The following SLX4IP variants were observed in gnomAD, a reference collection of about 807,000 sequenced individuals.
SLX4IP encodes the protein protein SLX4IP.
Under a neutral mutation model 32.9 loss-of-function variants are expected in SLX4IP, and 34 were observed. The observed-to-expected ratio is 1.03, with a 90% CI of 0.79 to 1.38. The LOEUF is 1.38. Ranked by LOEUF, SLX4IP falls within the 40% of genes most tolerant of loss-of-function variation. The pLI is 0.00. For synonymous variants in SLX4IP, 172 were observed against 171.7 expected (o/e 1.00, Z -0.01); for missense variants, 444 against 479.0 (o/e 0.93, Z 0.68).
intron 4 of SLX4IP, among the ~76,000 whole-genome samples, chr20:10,594,214 A>G (rs78118899): frequency 0.044 from 6,641 of 152,272 alleles, 188 homozygotes; most frequent in South Asian, 0.12. Context: ...AATGTTTCAG[A>G]CTGTGTGAGT....
chr20:10,606,044 G>T (rs1040702674), intron 6 of SLX4IP, among the ~76,000 whole-genome samples: 1 of 152,172 alleles, frequency 6.6e-6, no homozygotes, highest in African/African-American at 2.4e-5. Context: ...TCTCATTCAA[G>T]GGGGAGGGTA....
chr20:10,578,864 A>G lies in SLX4IP; in HGVS notation c.238+18044A>G, dbSNP rs572968715. Among the ~76,000 whole-genome samples, 5 of 152,218 alleles carry G rather than the reference A, an allele frequency of 3.3e-5. No individual in the cohort carries two copies. The South Asian group carries it at 6.2e-4, about 19-fold the overall frequency. Reference sequence around the variant, plus strand: ...ATTCAAGTACTTACTGGCCGTTTGTATATCTTCTGTGGATAAATGTTTGTT... The same window carrying G: ...ATTCAAGTACTTACTGGCCGTTTGTGTATCTTCTGTGGATAAATGTTTGTT... On this transcript the variant is annotated intron_variant, in intron 4 of 7. Transcript: ENST00000334534.
At chr20:10,570,967 C>A (rs1601016094) in intron 4 of SLX4IP, among the ~76,000 whole-genome samples, 1 of 152,120 alleles carries the variant, frequency 6.6e-6, no homozygotes, top group Non-Finnish European at 1.5e-5. Flanking sequence ...GTAGCTGGGA[C>A]CACAGGTGTG....
chr20:10,598,412 C>T (rs970243168), intron 4 of SLX4IP, among the ~76,000 whole-genome samples: 2 of 152,240 alleles, frequency 1.3e-5, no homozygotes, highest in South Asian at 2.1e-4. Context: ...TACAGGTGCC[C>T]GCCACCTCAC....
intron 2 of SLX4IP, among the ~76,000 whole-genome samples, chr20:10,541,614 G>T (rs1194352621): frequency 6.6e-6 from 1 of 152,202 alleles, no homozygotes; most frequent in African/African-American, 2.4e-5. Flanking sequence ...TAAGGTATTA[G>T]ACATTGTAGA....
intron 2 of SLX4IP, among the ~76,000 whole-genome samples, chr20:10,490,098 A>G (rs1009855945): frequency 6.6e-6 from 1 of 152,154 alleles, no homozygotes; most frequent in South Asian, 2.1e-4. Flanking sequence ...AAACTCTATC[A>G]CCATGAAAGG....
intron 2 of SLX4IP, among the ~76,000 whole-genome samples, chr20:10,539,769 G>A (rs1382830826): frequency 6.6e-6 from 1 of 152,142 alleles, no homozygotes; most frequent in Non-Finnish European, 1.5e-5. Flanking sequence ...ATTAGAATCG[G>A]GTAGGGAGCT....
intron 2 of SLX4IP, among the ~76,000 whole-genome samples, chr20:10,467,765 GGCTT>G (rs2065392563): frequency 6.6e-6 from 1 of 152,176 alleles, no homozygotes; most frequent in Non-Finnish European, 1.5e-5. Flanking sequence ...TTTTATCTCA[GGCTT>G]AGAGCTTTTA....
chr20:10,560,908 ATGT>A, intron 4 of SLX4IP, 88 bp downstream of exon 4: 3 of 1,270,536 alleles, frequency 2.4e-6, no homozygotes, highest in Non-Finnish European at 3.1e-6. Context: ...TCTGACTGTC[ATGT>A]TAGTATAGTG....
chr20:10,591,605 G>A (rs1252870623), intron 4 of SLX4IP, among the ~76,000 whole-genome samples: 1 of 152,208 alleles, frequency 6.6e-6, no homozygotes, highest in African/African-American at 2.4e-5. Flanking sequence ...TTAAAGATGA[G>A]TGAAGGGTTT....
At chr20:10,512,776 C>CTATA (rs769874841) in intron 2 of SLX4IP, among the ~76,000 whole-genome samples, 26 of 114,714 alleles carry the variant, frequency 2.3e-4, no homozygotes, top group African/African-American at 5.8e-4. Flanking sequence ...CACACACACA[C>CTATA]TCTATATATA....
intron 2 of SLX4IP, among the ~76,000 whole-genome samples, chr20:10,540,160 T>C (rs1600979969): frequency 1.4e-5 from 2 of 138,062 alleles, no homozygotes; most frequent in South Asian, 4.8e-4. Flanking sequence ...TCCTTCCTTC[T>C]CTCCTTCCTT....
chr20:10,453,725 C>A (rs1007517276), intron 1 of SLX4IP, among the ~76,000 whole-genome samples: 1 of 138,570 alleles, frequency 7.2e-6, no homozygotes, highest in African/African-American at 2.5e-5. Flanking sequence ...CCTACTACCC[C>A]CCAACGCACT....
intron 2 of SLX4IP, among the ~76,000 whole-genome samples, chr20:10,528,167 T>G (rs1342481573): frequency 6.6e-6 from 1 of 152,240 alleles, no homozygotes; most frequent in Non-Finnish European, 1.5e-5. Context: ...AAAAATGGTT[T>G]TAAGCTCCTA....
At chr20:10,479,259 C>G (rs900470116) in intron 2 of SLX4IP, among the ~76,000 whole-genome samples, 2 of 151,772 alleles carry the variant, frequency 1.3e-5, no homozygotes, top group East Asian at 1.9e-4. Context: ...CTTCTAGGGT[C>G]TTAGTATACT....
intron 2 of SLX4IP, among the ~76,000 whole-genome samples, chr20:10,547,507 A>G (rs1422148217): frequency 6.6e-6 from 1 of 152,202 alleles, no homozygotes; most frequent in Admixed American, 6.5e-5. Flanking sequence ...TTAAAGAACT[A>G]GTCATCCATT....
chr20:10,485,505 T>G (rs2065564148), intron 2 of SLX4IP, among the ~76,000 whole-genome samples: 1 of 152,026 alleles, frequency 6.6e-6, no homozygotes, highest in Admixed American at 6.6e-5. Flanking sequence ...TAATCCCAGC[T>G]ACTCAGAAGA....
intron 4 of SLX4IP, among the ~76,000 whole-genome samples, chr20:10,577,298 A>T (rs942419774): frequency 8.5e-5 from 13 of 152,130 alleles, no homozygotes; most frequent in African/African-American, 3.1e-4. Context: ...AGGGTTTTTC[A>T]TGCTTTCCCC....
chr20:10,531,183 TAA>T (rs1424300065), intron 2 of SLX4IP, among the ~76,000 whole-genome samples: 6 of 152,178 alleles, frequency 3.9e-5, no homozygotes, highest in African/African-American at 1.4e-4. Context: ...TCTCAGCTGT[TAA>T]GTCTTGCTGT....
Sources: allele counts gnomAD v4.1 joint callset (sites outside exome capture counted in the v4.1 genomes callset), GRCh38; gene constraint gnomAD v4.1.1; transcripts MANE v1.5; gene names NCBI Gene and HGNC (gene_info 2026-07-23, HGNC 2026-07-21).